The following HYOU1 variants were observed in gnomAD, a reference collection of about 807,000 sequenced individuals.
The protein encoded by HYOU1 is hypoxia up-regulated protein 1.
In HYOU1, 40 loss-of-function variants were observed where a neutral mutation model predicts 120.5. The ratio of observed to expected loss-of-function variants is 0.33; its 90% CI spans 0.26 to 0.43. HYOU1 has a LOEUF of 0.43. Ranked by LOEUF, HYOU1 falls within the 20% of genes least tolerant of loss-of-function variation. The pLI is 1.00. For missense variants in HYOU1, 1,085 were observed against 1,278.3 expected, an observed-to-expected ratio of 0.85 and a Z score of 2.31; for synonymous variants, 501 against 479.4, an observed-to-expected ratio of 1.05 and a Z score of -0.59.
Position 119,045,488 on chromosome 11 carries a change from C to T in HYOU1, c.*105G>A. Reference sequence around the variant, plus strand: ...CCAAATCACAGGGGTGAGAAAGGAACTCCAGCCGAGGGCAGGACCAACCCC... The same window carrying T: ...CCAAATCACAGGGGTGAGAAAGGAATTCCAGCCGAGGGCAGGACCAACCCC... On this transcript the variant is annotated 3_prime_UTR_variant, in exon 26 of 26. Transcript: ENST00000617285. 2.0e-6 allele frequency: 2 copies of T among 991,576 alleles called. No homozygotes were observed. Among genetic ancestry groups the T allele is most frequent in the South Asian group, 2.5e-5 (2 of 78,526 alleles). 61.4% of individuals were successfully genotyped at this position (991,576 alleles called of 1,614,324 possible).
At position 119,052,808 on chromosome 11, in the gene HYOU1, GC is replaced by G; in HGVS notation, c.815del (p.Gly272AlafsTer62). 6 of 1,613,896 alleles carry G rather than the reference GC, an allele frequency of 3.7e-6. No individual in the cohort carries two copies. Among genetic ancestry groups the G allele is most frequent in the Non-Finnish European group, 5.1e-6 (6 of 1,179,932 alleles). On this transcript the variant is annotated frameshift_variant, in exon 9 of 26. Coordinates refer to ENST00000617285, the MANE Select transcript of HYOU1 (RefSeq NM_006389.5). LOFTEE classifies it high-confidence loss of function. The surrounding 1 kb of genome is among the most constrained non-coding windows in gnomAD (Gnocchi z 5.0). ...RGVGFDRTLG[G>X]LEMELRLRER... ...CTCGAAGCCGGAGCTCCATCTCCAG[GC>G]CCCCCAGGGTACGGTCAAATCTGTT...
Position 119,052,245 on chromosome 11 carries a change from T to C in HYOU1, c.1122+50A>G. 1.9e-6 allele frequency: 3 copies of C among 1,613,990 alleles called. No individual in the cohort carries two copies. The highest frequency in any genetic ancestry group is 2.5e-6 in the Non-Finnish European group (3 of 1,179,892). ...ACTCGTCCCTTGACGTCCCATGGGT[T>C]TCCTATGCCCTTTCCTACGGGGCAT... is the stretch of plus-strand genomic sequence containing the variant. On this transcript the variant is annotated intron_variant, in intron 10 of 25. Coordinates refer to ENST00000617285, the MANE Select transcript of HYOU1 (RefSeq NM_006389.5). This position sits in a 1 kb window ranked among gnomAD's most constrained non-coding sequence, Gnocchi z 5.0.
In HYOU1 at chr11:119,051,500, G is replaced by A. The variant is rs2133585468; in HGVS notation, c.1464C>T (p.Ser488=). The A allele has an allele frequency of 4.3e-6, 7 of 1,614,150 alleles. No individual in the cohort carries two copies. The highest frequency in any genetic ancestry group is 1.1e-5 in the South Asian group (1 of 91,082). The stretch of plus-strand genomic sequence containing the variant: ...AGTTGATGTGGAAGTTGAAATCATG[G>A]CTGTAGCGGTTAAAGGTGATGACTT... ...QRKVITFNRY[S]HDFNFHINYG... The change falls in exon 13 of 26, where the codon AGC becomes AGT. Residue 488 remains serine (S), a synonymous_variant. Coordinates refer to ENST00000617285, the MANE Select transcript of HYOU1 (RefSeq NM_006389.5). This position sits in a 1 kb window ranked among gnomAD's most constrained non-coding sequence, Gnocchi z 4.2.
chr11:119,048,642 C>T lies in HYOU1; in HGVS notation c.2165+72G>A, dbSNP rs1944231526. 1 of 1,607,104 alleles carries T rather than the reference C, an allele frequency of 6.2e-7. No homozygotes were observed. The highest frequency in any genetic ancestry group is 1.7e-4 in the Middle Eastern group (1 of 6,030). On this transcript the variant is annotated intron_variant, in intron 18 of 25. Coordinates refer to ENST00000617285, the MANE Select transcript of HYOU1 (RefSeq NM_006389.5). The surrounding 1 kb of genome is among the most constrained non-coding windows in gnomAD (Gnocchi z 4.7). ...ACTCTGGGTCCGACAGCCCTCCCTC[C>T]CAGGGCGCCATCCCACATCCTGCCC...
At chr11:119,050,343 G>A (rs1157383527) in intron 14 of HYOU1, among the ~76,000 whole-genome samples, 1 of 151,908 alleles carries the variant, frequency 6.6e-6, no homozygotes, top group Non-Finnish European at 1.5e-5. Flanking sequence ...AACCCGGGAG[G>A]CGGAGGTTGC....
rs2133585225 is a variant in HYOU1 at position 119,051,473 on chromosome 11, G to A, written c.1491C>T (p.Tyr497=). 1.6e-5 allele frequency: 26 copies of A among 1,613,994 alleles called. No individual in the cohort carries two copies. In the East Asian group the frequency reaches 2.5e-4, roughly 15 times the overall value. ...YSHDFNFHIN[Y]GDLGFLGPED... ...CAGGCCCCAGGAAGCCCAGGTCGCC[G>A]TAGTTGATGTGGAAGTTGAAATCAT... is the stretch of plus-strand genomic sequence containing the variant. The change falls in exon 13 of 26, where the codon TAC becomes TAT. Residue 497 remains tyrosine (Y), a synonymous_variant. Transcript: ENST00000617285. The surrounding 1 kb of genome is among the most constrained non-coding windows in gnomAD (Gnocchi z 4.2).
Position 119,055,339 on chromosome 11 carries a change from C to T in HYOU1, c.265G>A (p.Ala89Thr), listed in dbSNP as rs2133612511. Residue 89 changes from alanine (A) to threonine (T), a missense_variant and splice_region_variant, in exon 5 of 26, where the codon GCG becomes ACG. Transcript: ENST00000617285. This position sits in a 1 kb window ranked among gnomAD's most constrained non-coding sequence, Gnocchi z 4.0. ...AGCGTAGCCTTTGGATTCTTAATCG[C>T]CTGAGGGGTGAAGAAGGAGCAGACT... is the stretch of plus-strand genomic sequence containing the variant. ...RFFGDSAASMAIKNPKATLRY... is the reference protein window; with the variant it reads ...RFFGDSAASMTIKNPKATLRY... 1 of 1,612,836 alleles carries T rather than the reference C, an allele frequency of 6.2e-7. No homozygotes were observed. The highest frequency in any genetic ancestry group is 1.7e-5 in the Admixed American group (1 of 59,928).
chr11:119,045,028 AG>A lies in HYOU1; in HGVS notation c.*564del. On this transcript the variant is annotated 3_prime_UTR_variant, in exon 26 of 26. Transcript: ENST00000617285. ...TTGCTGCAGGAAGCCAAGGAAACCC[AG>A]GGGGAAAGGAGCTGGATGGGAATGG... 2.3e-6 allele frequency: 1 copy of A among 428,842 alleles called. No individual in the cohort carries two copies. Among genetic ancestry groups the A allele is most frequent in the Non-Finnish European group, 4.9e-6 (1 of 204,826 alleles). 26.6% of individuals were successfully genotyped at this position (428,842 alleles called of 1,614,324 possible).
At chr11:119,050,987 C>T (rs1944406665) in intron 14 of HYOU1, 48 bp downstream of exon 14, 3 of 1,599,652 alleles carry the variant, frequency 1.9e-6, no homozygotes, top group Non-Finnish European at 1.7e-6. Context: ...AAATGGCTGG[C>T]AGGGCCTGAG....
chr11:119,049,404 G>C lies in HYOU1; in HGVS notation c.1806+152C>G, dbSNP rs2133572962. 1,938 of 1,571,158 alleles carry C rather than the reference G, an allele frequency of 1.2e-3. 27 individuals are homozygous for C. The African/African-American group carries it at 0.023, about 19-fold the overall frequency. ...AGGGGAATGGGCCTTGGGAGCACCA[G>C]TCAAGAAACAGCTCAGAGCCCAGAG... On this transcript the variant is annotated intron_variant, in intron 16 of 25. Coordinates refer to ENST00000617285, the MANE Select transcript of HYOU1 (RefSeq NM_006389.5).
In HYOU1 at chr11:119,052,342, C is replaced by T; in HGVS notation, c.1075G>A (p.Val359Met). The change falls in exon 10 of 26, where the codon GTG becomes ATG. Residue 359 changes from valine to methionine, a missense_variant. By Grantham distance (21) the Val-to-Met change is conservative. This residue lies in a region of HYOU1 where 515 missense variants were observed against 677.8 expected (regional missense o/e 0.76). Transcript: ENST00000617285. This position sits in a 1 kb window ranked among gnomAD's most constrained non-coding sequence, Gnocchi z 5.0. ...EELCADLFER[V>M]PGPVQQALQS... is the part of the protein sequence containing the mutation. ...AGGGCCTGCTGTACAGGCCCAGGCA[C>T]CCGCTCAAACAAGTCTGCACACAAC... The T allele has an allele frequency of 6.2e-7, 1 of 1,614,228 alleles. No homozygotes were observed. Among genetic ancestry groups the T allele is most frequent in the Non-Finnish European group, 8.5e-7 (1 of 1,180,034 alleles).
Position 119,054,429 on chromosome 11 carries a change from AC to A in HYOU1, c.678+64del. The A allele has an allele frequency of 4.6e-6, 7 of 1,534,652 alleles. No individual in the cohort carries two copies. In the South Asian group the frequency reaches 8.0e-5, roughly 17 times the overall value. On this transcript the variant is annotated intron_variant, in intron 7 of 25. Coordinates refer to ENST00000617285, the MANE Select transcript of HYOU1 (RefSeq NM_006389.5). ...GCCATGCAAACCAGATGCAAAAGGG[AC>A]CAAGTGGCCTCCATCCTTAGATTCA...
rs141932266 is a variant in HYOU1, at chr11:119,045,475, G to A, written c.*118C>T. On this transcript the variant is annotated 3_prime_UTR_variant, in exon 26 of 26. Coordinates refer to ENST00000617285, the MANE Select transcript of HYOU1 (RefSeq NM_006389.5). ...CTTCTCCACACCTCCAAATCACAGG[G>A]GTGAGAAAGGAACTCCAGCCGAGGG... 4 of 877,144 alleles carry A rather than the reference G, an allele frequency of 4.6e-6. No individual in the cohort carries two copies. The East Asian group carries it at 9.6e-5, about 21-fold the overall frequency. 54.3% of individuals were successfully genotyped at this position (877,144 alleles called of 1,614,324 possible).
chr11:119,057,153 C>T lies in HYOU1; in HGVS notation c.-141G>A, dbSNP rs1253895131. ...GCAAACTGTTACATTAGCCACCAAC[C>T]TCTCGGCGGCGTCTCGCGCACCAGC... On this transcript the variant is annotated 5_prime_UTR_variant, in exon 1 of 26. Coordinates refer to ENST00000617285, the MANE Select transcript of HYOU1 (RefSeq NM_006389.5). 1 of 151,766 alleles carries T rather than the reference C, an allele frequency of 6.6e-6. No homozygotes were observed. The highest frequency in any genetic ancestry group is 1.5e-5 in the Non-Finnish European group (1 of 67,934). 9.4% of individuals were successfully genotyped at this position (151,766 alleles called of 1,614,324 possible).
Position 119,048,448 on chromosome 11 carries a change from G to C in HYOU1, c.2253+28C>G, listed in dbSNP as rs115520137. 4.5e-3 allele frequency: 7,308 copies of C among 1,613,260 alleles called. 170 individuals are homozygous for C. The African/African-American group carries it at 0.063, about 14-fold the overall frequency. ...CACAGAGCCAGGTGTAAGCCCAGTG[G>C]GGGGGCTGCTGCCTCCTGCCCACTG... On this transcript the variant is annotated intron_variant, in intron 19 of 25. Transcript: ENST00000617285. This position sits in a 1 kb window ranked among gnomAD's most constrained non-coding sequence, Gnocchi z 4.7.
rs1427992765 is a variant in HYOU1 at position 119,044,660 on chromosome 11, A to G, written c.*933T>C. Reference sequence around the variant, plus strand: ...ATCTTGGGATAGGGACTCACAGTAGAAAGCACATTTTGGTCAGCCCAGGGG... The same window carrying G: ...ATCTTGGGATAGGGACTCACAGTAGGAAGCACATTTTGGTCAGCCCAGGGG... On this transcript the variant is annotated 3_prime_UTR_variant, in exon 26 of 26. Transcript: ENST00000617285. 1 of 163,346 alleles carries G rather than the reference A, an allele frequency of 6.1e-6. No individual in the cohort carries two copies. Among genetic ancestry groups the G allele is most frequent in the Non-Finnish European group, 1.4e-5 (1 of 73,358 alleles). The allele number at this position is 163,346 out of a possible 1,614,324, so 10.1% of individuals were successfully genotyped here.
At chr11:119,047,861 G>A in intron 21 of HYOU1, 43 bp from the exon 22 acceptor site, 1 of 1,612,454 alleles carries the variant, frequency 6.2e-7, no homozygotes, top group Non-Finnish European at 8.5e-7. Context: ...AGGGAGAGGG[G>A]CCTGGAGTGT....
At position 119,052,841 on chromosome 11, in the gene HYOU1, AGGGAGCAGGG is replaced by A; in HGVS notation, c.795-22_795-13del. 1 of 1,605,158 alleles carries A rather than the reference AGGGAGCAGGG, an allele frequency of 6.2e-7. No homozygotes were observed. The highest frequency in any genetic ancestry group is 1.3e-5 in the African/African-American group (1 of 74,634). On this transcript the variant is annotated splice_polypyrimidine_tract_variant and intron_variant, in intron 8 of 25. Transcript: ENST00000617285. The surrounding 1 kb of genome is among the most constrained non-coding windows in gnomAD (Gnocchi z 5.0). Reference sequence around the variant, plus strand: ...GGGTACGGTCAAATCTGTTGAGAAAAGGGAGCAGGGAAAAAAGTGAAGAACACATGGAGTC... The same window carrying A: ...GGGTACGGTCAAATCTGTTGAGAAAAAAAAAAGTGAAGAACACATGGAGTC...
chr11:119,045,549 T>G lies in HYOU1; in HGVS notation c.*44A>C. The G allele has an allele frequency of 2.0e-6, 3 of 1,487,486 alleles. No individual in the cohort carries two copies. The highest frequency in any genetic ancestry group is 2.8e-6 in the Non-Finnish European group (3 of 1,064,510). 92.1% of individuals were successfully genotyped at this position (1,487,486 alleles called of 1,614,324 possible). On this transcript the variant is annotated 3_prime_UTR_variant, in exon 26 of 26. Coordinates refer to ENST00000617285, the MANE Select transcript of HYOU1 (RefSeq NM_006389.5). ...CTCGATGTTAAATAAATAGAAGTGG[T>G]GGGGGAAGGGGGTGGAGATGAATGG...
Sources: allele counts gnomAD v4.1 joint callset (sites outside exome capture counted in the v4.1 genomes callset), GRCh38; gene constraint gnomAD v4.1.1; regional missense constraint gnomAD v4.1.1; non-coding constraint Gnocchi (gnomAD v3.1); transcripts MANE v1.5; gene names NCBI Gene and HGNC (gene_info 2026-07-23, HGNC 2026-07-21).